Variants in APBA2 observed in about 807,000 individuals in gnomAD.
The protein encoded by APBA2 is amyloid beta precursor protein binding family A member 2.
In APBA2, 30 loss-of-function variants were observed where a neutral mutation model predicts 75.0. The ratio of observed to expected loss-of-function variants is 0.40; its 90% CI spans 0.30 to 0.54. The LOEUF is 0.54. APBA2 is among the 20% of genes least tolerant of loss of function. The pLI is 0.49. For missense variants in APBA2, 801 were observed against 1,016.1 expected, an observed-to-expected ratio of 0.79 and a Z score of 2.88; for synonymous variants, 444 against 409.6, an observed-to-expected ratio of 1.08 and a Z score of -1.01.
At chr15:29,106,305 T>C (rs1025003192) in intron 11 of APBA2, among the ~76,000 whole-genome samples, 1 of 151,740 alleles carries the variant, frequency 6.6e-6, no homozygotes, top group Admixed American at 6.6e-5. Context: ...AAGGTCAGTG[T>C]TGGGCACGGG....
chr15:29,068,320 A>G (rs2042465451), intron 4 of APBA2, among the ~76,000 whole-genome samples: 1 of 152,228 alleles, frequency 6.6e-6, no homozygotes, highest in South Asian at 2.1e-4. Flanking sequence ...CCAGTGGCAG[A>G]AGCAGCCATG....
At chr15:29,060,996 G>A (rs1034638431) in intron 4 of APBA2, among the ~76,000 whole-genome samples, 8 of 152,246 alleles carry the variant, frequency 5.3e-5, no homozygotes, top group South Asian at 2.1e-4. Context: ...GACCTGGCAC[G>A]TCCTTGGTGC....
At chr15:29,007,986 T>C (rs545529958) in intron 3 of APBA2, among the ~76,000 whole-genome samples, 6 of 152,340 alleles carry the variant, frequency 3.9e-5, no homozygotes, top group South Asian at 2.1e-4. Context: ...CAGGAGTCCA[T>C]TGGCAGATGA....
chr15:29,086,292 C>T (rs1051128072), intron 6 of APBA2, among the ~76,000 whole-genome samples: 17 of 152,200 alleles, frequency 1.1e-4, no homozygotes, highest in Non-Finnish European at 2.2e-4. Flanking sequence ...CTGCCTGTGA[C>T]AGACGAGAGG....
chr15:29,026,622 C>T (rs950619855), intron 3 of APBA2, among the ~76,000 whole-genome samples: 3 of 152,062 alleles, frequency 2.0e-5, no homozygotes, highest in Admixed American at 6.6e-5. Flanking sequence ...AATACAGTAT[C>T]GTTAGAACAG....
In APBA2 at chr15:28,918,221, C is replaced by G. The variant is rs918879807; in HGVS notation, c.-204-3419C>G. Among the ~76,000 whole-genome samples the G allele has an allele frequency of 3.9e-5, 6 of 152,322 alleles. No individual in the cohort carries two copies. The South Asian group carries it at 1.0e-3, about 26-fold the overall frequency. On this transcript the variant is annotated intron_variant, in intron 1 of 14. Coordinates refer to ENST00000683413, the MANE Select transcript of APBA2 (RefSeq NM_001353788.2). The surrounding 1 kb of genome is among the most constrained non-coding windows in gnomAD (Gnocchi z 4.2). ...GAAAAGGCACAGGGAGGTGCAGAAG[C>G]GTTCCTGGCGCCACGGAGCCGGTCA...
At position 28,954,576 on chromosome 15, in the gene APBA2, G is replaced by A. The variant is rs143286759; in HGVS notation, c.-95+32827G>A. ...CCCACATTAATTCTGTAGCTTATTT[G>A]TTTATTGTTGTCTGTGCCACTCCAG... On this transcript the variant is annotated intron_variant, in intron 2 of 14. Transcript: ENST00000683413. 3.1e-3 allele frequency among the ~76,000 whole-genome samples: 475 copies of A among 152,290 alleles called. 5 individuals are homozygous for A. The highest frequency in any genetic ancestry group is 0.014 in the Middle Eastern group (4 of 294).
chr15:28,903,286 G>A (rs994797039), intron 1 of APBA2, among the ~76,000 whole-genome samples: 1 of 152,186 alleles, frequency 6.6e-6, no homozygotes, highest in African/African-American at 2.4e-5. Flanking sequence ...TATTGGTCAC[G>A]ATAGACGATA....
At chr15:29,055,121 C>T (rs555978290) in intron 4 of APBA2, among the ~76,000 whole-genome samples, 16 of 152,146 alleles carry the variant, frequency 1.1e-4, no homozygotes, top group Non-Finnish European at 1.6e-4. Context: ...AAGAGAGGTT[C>T]GATTTCTTGC....
At chr15:28,913,958 C>T (rs2033552795) in intron 1 of APBA2, among the ~76,000 whole-genome samples, 1 of 152,158 alleles carries the variant, frequency 6.6e-6, no homozygotes, top group South Asian at 2.1e-4. Flanking sequence ...CACTCACGCA[C>T]ACCCCTCTAG....
intron 4 of APBA2, among the ~76,000 whole-genome samples, chr15:29,074,283 G>T (rs1468500981): frequency 6.6e-6 from 1 of 152,158 alleles, no homozygotes; most frequent in Non-Finnish European, 1.5e-5. Flanking sequence ...GAGGTGGCAT[G>T]TACACACAGT....
Position 29,003,265 on chromosome 15 carries a change from C to T in APBA2, c.-41+7459C>T, listed in dbSNP as rs1003851291. Among the ~76,000 whole-genome samples, 4 of 152,280 alleles carry T rather than the reference C, an allele frequency of 2.6e-5. No homozygotes were observed. In the South Asian group the frequency reaches 8.3e-4, roughly 32 times the overall value. On this transcript the variant is annotated intron_variant, in intron 3 of 14. Transcript: ENST00000683413. ...AGAGAGATGACCAGGCTAGCGTTTT[C>T]ATGGCATGAAGGTTGTCTTCAGAAA...
At chr15:28,990,266 C>G (rs2038154102) in intron 2 of APBA2, among the ~76,000 whole-genome samples, 2 of 151,882 alleles carry the variant, frequency 1.3e-5, no homozygotes, top group Admixed American at 6.6e-5. Context: ...AAAAATTAAC[C>G]TGTTGTGGTG....
intron 2 of APBA2, chr15:28,970,489 G>A (rs1346656490): frequency 1.3e-5 from 2 of 148,904 alleles, no homozygotes; most frequent in South Asian, 4.2e-4. Flanking sequence ...CCAGCCTGGG[G>A]CCACATAGTG....
At chr15:29,082,797 A>C (rs1033180473) in intron 6 of APBA2, among the ~76,000 whole-genome samples, 2 of 152,206 alleles carry the variant, frequency 1.3e-5, no homozygotes, top group African/African-American at 4.8e-5. Context: ...ACAGTGGCTC[A>C]TGCCTGTAAT....
chr15:28,968,881 C>G (rs1483315831), intron 2 of APBA2, among the ~76,000 whole-genome samples: 1 of 152,142 alleles, frequency 6.6e-6, no homozygotes, highest in Non-Finnish European at 1.5e-5. Flanking sequence ...ACGGCTGTCT[C>G]TTGCCCTTCA....
At chr15:28,942,841 G>A (rs538820410) in intron 2 of APBA2, among the ~76,000 whole-genome samples, 2 of 152,324 alleles carry the variant, frequency 1.3e-5, no homozygotes, top group South Asian at 4.1e-4. Flanking sequence ...AGGCTGGCGT[G>A]GGGCTTCTCC....
intron 14 of APBA2, among the ~76,000 whole-genome samples, chr15:29,115,368 GT>G: frequency 6.6e-6 from 1 of 152,128 alleles, no homozygotes; most frequent in Non-Finnish European, 1.5e-5. Context: ...TGGGAGGCCT[GT>G]TTTCCCTGGA....
intron 4 of APBA2, among the ~76,000 whole-genome samples, chr15:29,059,925 G>A (rs1433726570): frequency 6.6e-6 from 1 of 152,174 alleles, no homozygotes; most frequent in East Asian, 1.9e-4. Context: ...GGAGACACCA[G>A]CCAGCCTGGC....
Sources: gnomAD v4.1 joint callset for allele counts (sites outside exome capture counted in the v4.1 genomes callset) on GRCh38, gnomAD v4.1.1 for gene constraint, Gnocchi (gnomAD v3.1) non-coding constraint, MANE v1.5 for transcripts, NCBI Gene and HGNC (gene_info 2026-07-23, HGNC 2026-07-21) for gene names.